Variants in NCKAP5 observed in about 807,000 individuals in gnomAD.
NCKAP5 encodes NCK associated protein 5, also known as nck-associated protein 5.
A neutral mutation model predicts 167.0 loss-of-function variants in NCKAP5; 92 were observed. That is an observed-to-expected ratio of 0.55 (90% CI 0.47 to 0.66). The LOEUF is 0.66. Ranked by LOEUF, NCKAP5 falls within the 30% of genes least tolerant of loss-of-function variation. The pLI is 0.00. For synonymous variants in NCKAP5, 891 were observed against 877.4 expected, an observed-to-expected ratio of 1.02 and a Z score of -0.27; for missense variants, 2,378 against 2,315.0, an observed-to-expected ratio of 1.03 and a Z score of -0.56.
intron 3 of NCKAP5, among the ~76,000 whole-genome samples, chr2:133,474,808 TTTG>T (rs1553649422): frequency 1.3e-5 from 2 of 151,856 alleles, no homozygotes; most frequent in East Asian, 1.9e-4. Flanking sequence ...GGGTTTTTTT[TTTG>T]TTGTTGTTGT....
At chr2:133,102,216 G>A (rs573681098) in intron 6 of NCKAP5, among the ~76,000 whole-genome samples, 8 of 152,054 alleles carry the variant, frequency 5.3e-5, no homozygotes, top group South Asian at 2.1e-4. Context: ...GCACGATCTC[G>A]GCTCTCTGCA....
chr2:133,386,470 A>C (rs983514719), intron 3 of NCKAP5, among the ~76,000 whole-genome samples: 1 of 152,202 alleles, frequency 6.6e-6, no homozygotes, highest in Non-Finnish European at 1.5e-5. Context: ...ACTTCCAACT[A>C]TGTGGACAAT....
chr2:133,153,637 C>G (rs1431764470), intron 5 of NCKAP5, among the ~76,000 whole-genome samples: 1 of 152,012 alleles, frequency 6.6e-6, no homozygotes, highest in Non-Finnish European at 1.5e-5. Context: ...ACATAAAGCC[C>G]TCACCCATCA....
chr2:133,585,658 T>C, the NCKAP5 span, among the ~76,000 whole-genome samples: 9 of 152,248 alleles, frequency 5.9e-5, no homozygotes, highest in Non-Finnish European at 1.3e-4. Flanking sequence ...ATAATATGTA[T>C]TAGACATGTG....
At chr2:133,648,488 T>C in the NCKAP5 span, among the ~76,000 whole-genome samples, 2 of 152,136 alleles carry the variant, frequency 1.3e-5, no homozygotes, top group African/African-American at 2.4e-5. Flanking sequence ...ATTTCTCCAA[T>C]ATAAATGACA....
intron 7 of NCKAP5, among the ~76,000 whole-genome samples, chr2:132,987,022 G>T (rs1453910687): frequency 6.6e-6 from 1 of 152,140 alleles, no homozygotes; most frequent in Non-Finnish European, 1.5e-5. Context: ...TTAGATGAAA[G>T]TTGCCAGGTG....
chr2:133,204,165 T>C lies in NCKAP5; in HGVS notation c.207+9551A>G, dbSNP rs186474899. ...AAAGCTAATATTTTCTTCTACTTTCTTGTGTCTTCTTTTCTGATGGTATTA... is the reference window on the plus strand; with the variant it reads ...AAAGCTAATATTTTCTTCTACTTTCCTGTGTCTTCTTTTCTGATGGTATTA... On this transcript the variant is annotated intron_variant, in intron 5 of 19. Coordinates refer to ENST00000409261, the MANE Select transcript of NCKAP5 (RefSeq NM_207363.3). Among the ~76,000 whole-genome samples, 284 of 152,342 alleles carry C rather than the reference T, an allele frequency of 1.9e-3. 4 individuals carry two copies. The highest frequency in any genetic ancestry group is 6.4e-3 in the African/African-American group (266 of 41,582).
intron 11 of NCKAP5, among the ~76,000 whole-genome samples, chr2:132,827,533 G>A (rs74567251): frequency 1.4e-3 from 206 of 152,244 alleles, no homozygotes; most frequent in African/African-American, 4.8e-3. Context: ...CTTTCCTTAT[G>A]TGATACTTTA....
At chr2:133,403,466 T>C (rs771534233) in intron 3 of NCKAP5, among the ~76,000 whole-genome samples, 19 of 152,244 alleles carry the variant, frequency 1.2e-4, no homozygotes, top group Non-Finnish European at 1.9e-4. Context: ...TAGTCAATGA[T>C]GTTTTATTGA....
chr2:133,327,948 A>G (rs1402281035), intron 3 of NCKAP5, among the ~76,000 whole-genome samples: 1 of 152,110 alleles, frequency 6.6e-6, no homozygotes, highest in Non-Finnish European at 1.5e-5. Context: ...TAAGCATCCT[A>G]CAATGCCCAG....
chr2:133,441,591 T>C (rs1690865946), intron 3 of NCKAP5, among the ~76,000 whole-genome samples: 1 of 152,180 alleles, frequency 6.6e-6, no homozygotes, highest in South Asian at 2.1e-4. Context: ...TTCAAAATCA[T>C]TTAGAGATTC....
At chr2:132,853,486 C>T (rs1194117924) in intron 11 of NCKAP5, among the ~76,000 whole-genome samples, 1 of 152,148 alleles carries the variant, frequency 6.6e-6, no homozygotes, top group African/African-American at 2.4e-5. Context: ...CATAGTAATA[C>T]AGATTGACAC....
intron 3 of NCKAP5, among the ~76,000 whole-genome samples, chr2:133,483,363 T>C (rs1680625933): frequency 6.6e-6 from 1 of 152,162 alleles, no homozygotes; most frequent in African/African-American, 2.4e-5. Flanking sequence ...TAAAGAATTG[T>C]TGAAACAAAG....
intron 11 of NCKAP5, among the ~76,000 whole-genome samples, chr2:132,847,980 A>T (rs758320661): frequency 6.6e-6 from 1 of 152,206 alleles, no homozygotes; most frequent in Non-Finnish European, 1.5e-5. Flanking sequence ...TCACAACTAT[A>T]TGTAGAATGT....
chr2:133,238,115 T>C (rs1020905417), intron 4 of NCKAP5, among the ~76,000 whole-genome samples: 1 of 152,242 alleles, frequency 6.6e-6, no homozygotes, highest in East Asian at 1.9e-4. Context: ...AGTCAAGTGA[T>C]GGAAAGTTTC....
chr2:133,250,659 CA>C (rs1303605775), intron 4 of NCKAP5, among the ~76,000 whole-genome samples: 1 of 152,178 alleles, frequency 6.6e-6, no homozygotes, highest in Non-Finnish European at 1.5e-5. Flanking sequence ...AAAATACAGC[CA>C]GGGGCAATGG....
intron 8 of NCKAP5, among the ~76,000 whole-genome samples, chr2:132,902,440 G>T (rs1287093545): frequency 1.3e-5 from 2 of 152,164 alleles, no homozygotes; most frequent in African/African-American, 2.4e-5. Flanking sequence ...AAGAGTACTG[G>T]TTTCCACGTG....
chr2:133,452,633 G>A (rs1691618695), intron 3 of NCKAP5, among the ~76,000 whole-genome samples: 1 of 152,194 alleles, frequency 6.6e-6, no homozygotes, highest in Non-Finnish European at 1.5e-5. Flanking sequence ...TTTCTAAAAT[G>A]TAAGATGTTG....
the NCKAP5 span, among the ~76,000 whole-genome samples, chr2:133,589,897 C>T: frequency 6.6e-6 from 1 of 152,242 alleles, no homozygotes; most frequent in African/African-American, 2.4e-5. Flanking sequence ...ATATCCACAG[C>T]TAAGGCAAAG....
Sources: gnomAD v4.1 joint callset for allele counts (sites outside exome capture counted in the v4.1 genomes callset) on GRCh38, gnomAD v4.1.1 for gene constraint, MANE v1.5 for transcripts, NCBI Gene and HGNC (gene_info 2026-07-23, HGNC 2026-07-21) for gene names.